The following TTC5 variants were observed in gnomAD, a reference collection of about 807,000 sequenced individuals.
TTC5 encodes tetratricopeptide repeat domain 5.
TTC5 carries 46 observed loss-of-function variants against 57.4 expected under a neutral mutation model. The observed-to-expected ratio is 0.80, with a 90% CI of 0.63 to 1.03. The LOEUF (loss-of-function observed/expected upper bound fraction) is 1.03, where lower values mean the gene tolerates loss of function less well. Among genes scored for constraint, TTC5 ranks in the 50% least tolerant of loss-of-function variants. The probability of loss-of-function intolerance (pLI) is 0.00; values close to 1 mark genes in which losing one functional copy is unlikely to be tolerated. For synonymous variants in TTC5, 190 were observed against 203.5 expected, an observed-to-expected ratio of 0.93 and a Z score of 0.57; for missense variants, 504 against 528.1, an observed-to-expected ratio of 0.95 and a Z score of 0.45.
At chr14:20,305,747 C>T (rs1460408088) in intron 1 of TTC5, 140 bp downstream of exon 1, 14 of 878,924 alleles carry the variant, frequency 1.6e-5, no homozygotes, top group African/African-American at 9.9e-5. Flanking sequence ...CGGCTGCACC[C>T]TCGAGGGTTG....
At chr14:20,301,333 C>T (rs1381789440) in intron 2 of TTC5, among the ~76,000 whole-genome samples, 3 of 152,230 alleles carry the variant, frequency 2.0e-5, no homozygotes, top group African/African-American at 7.2e-5. Flanking sequence ...GACAGTTCAA[C>T]CTGGATGAAA....
At chr14:20,295,199 A>G (rs1046662483) in intron 8 of TTC5, 113 bp downstream of exon 8, 2 of 930,934 alleles carry the variant, frequency 2.1e-6, no homozygotes, top group African/African-American at 3.3e-5. Flanking sequence ...GAAGGAAATC[A>G]GAAGTCACAA....
At chr14:20,302,953 C>G (rs989282539) in intron 1 of TTC5, among the ~76,000 whole-genome samples, 1 of 151,806 alleles carries the variant, frequency 6.6e-6, no homozygotes, top group Non-Finnish European at 1.5e-5. Flanking sequence ...AATCCTAGCA[C>G]TTTGGTAGTC....
chr14:20,305,799 C>T (rs1279188055), intron 1 of TTC5, 88 bp downstream of exon 1: 2 of 1,321,260 alleles, frequency 1.5e-6, no homozygotes, highest in South Asian at 1.2e-5. Context: ...GCGTGTGTGC[C>T]GAGGAATTCA....
intron 9 of TTC5, among the ~76,000 whole-genome samples, chr14:20,291,088 C>G (rs1881944344): frequency 6.6e-6 from 1 of 151,988 alleles, no homozygotes; most frequent in Non-Finnish European, 1.5e-5. Context: ...CAGACTTTCT[C>G]TATCACCCGG....
intron 6 of TTC5, 51 bp downstream of exon 6, chr14:20,296,339 T>G (rs543300301): frequency 1.5e-6 from 2 of 1,370,510 alleles, no homozygotes; most frequent in Non-Finnish European, 2.1e-6. Flanking sequence ...AGCTAAGACA[T>G]AGGTGTCTTA....
chr14:20,304,901 T>C (rs1164353060), intron 1 of TTC5, among the ~76,000 whole-genome samples: 2 of 152,242 alleles, frequency 1.3e-5, no homozygotes, highest in African/African-American at 4.8e-5. Context: ...AAAATTCAAA[T>C]AGATACATGT....
At position 20,300,748 on chromosome 14, in the gene TTC5, G is replaced by C. The variant is rs1452297495; in HGVS notation, c.255C>G (p.Ser85Arg). The C allele has an allele frequency of 6.2e-7, 1 of 1,614,016 alleles. No individual in the cohort carries two copies. Among genetic ancestry groups the C allele is most frequent in the African/African-American group, 1.3e-5 (1 of 74,890 alleles). ...GKALNVTPDY[S>R]PKAEELLSKA... ...TTGACAGAAGCTCCTCAGCCTTAGG[G>C]CTATAGTCAGGAGTCACATTTAGTG... is the stretch of plus-strand genomic sequence containing the variant. Residue 85 changes from serine (S) to arginine (R), a missense_variant, in exon 3 of 10, where the codon AGC becomes AGG. Ser to Arg is a moderately radical substitution (Grantham distance 110, BLOSUM62 -1). Coordinates refer to ENST00000258821, the MANE Select transcript of TTC5 (RefSeq NM_138376.3).
chr14:20,292,239 G>C lies in TTC5; in HGVS notation c.1059-112C>G, dbSNP rs115066153. On this transcript the variant is annotated intron_variant, in intron 8 of 9. Coordinates refer to ENST00000258821, the MANE Select transcript of TTC5 (RefSeq NM_138376.3). ...TAGCAAAATACTGGACTTAAAGTCA[G>C]TGACAGGTAATTAAAATAAAATATA... 8.1e-3 allele frequency: 4,870 copies of C among 603,572 alleles called. 179 individuals carry two copies. The highest frequency in any genetic ancestry group is 0.079 in the African/African-American group (4,126 of 52,406). The allele number at this position is 603,572 out of a possible 1,614,324, so 37.4% of individuals were successfully genotyped here.
rs373689241 is a variant in TTC5 at position 20,299,368 on chromosome 14, G to A, written c.477C>T (p.His159=). ...CCTGTCGGACACTGTCCATGACATG[G>A]TGAGAATGTTCATCTTCAGTGTCAG... The part of the protein sequence containing the change: ...LRTDTEDEHS[H]HVMDSVRQAK... The change falls in exon 4 of 10, where the codon CAC becomes CAT. Residue 159 remains histidine, a synonymous_variant. Coordinates refer to ENST00000258821, the MANE Select transcript of TTC5 (RefSeq NM_138376.3). 4.0e-5 allele frequency: 65 copies of A among 1,614,050 alleles called. No homozygotes were observed. Among genetic ancestry groups the A allele is most frequent in the Non-Finnish European group, 5.5e-5 (65 of 1,180,036 alleles).
chr14:20,295,647 T>G, intron 7 of TTC5, 61 bp downstream of exon 7: 2 of 1,556,746 alleles, frequency 1.3e-6, no homozygotes, highest in Non-Finnish European at 1.7e-6. Flanking sequence ...ATTCTTATTT[T>G]ATTGACCCAC....
chr14:20,294,269 T>C (rs1431246335), intron 8 of TTC5: 1 of 152,142 alleles, frequency 6.6e-6, no homozygotes, highest in Non-Finnish European at 1.5e-5. Context: ...GATTTAAAAG[T>C]TAGGCAGAAA....
intron 1 of TTC5, chr14:20,305,651 G>A: frequency 3.4e-6 from 2 of 582,518 alleles, no homozygotes; most frequent in East Asian, 5.7e-5. Context: ...ACAGTTAGGA[G>A]CAACAAATCT....
intron 3 of TTC5, chr14:20,300,367 C>G (rs1376033796): frequency 2.0e-5 from 10 of 488,034 alleles, no homozygotes; most frequent in Non-Finnish European, 3.6e-5. Context: ...ATCAGCTTAG[C>G]TGCTAGCTTT....
At chr14:20,297,038 G>A (rs1054582802) in intron 5 of TTC5, among the ~76,000 whole-genome samples, 8 of 152,062 alleles carry the variant, frequency 5.3e-5, no homozygotes, top group Non-Finnish European at 1.0e-4. Context: ...AATGAAATAG[G>A]TGAAATCATT....
At chr14:20,305,815 A>C (rs1321028679) in intron 1 of TTC5, 72 bp downstream of exon 1, 2 of 1,406,292 alleles carry the variant, frequency 1.4e-6, no homozygotes, top group South Asian at 1.1e-5. Context: ...ATTCACGGGC[A>C]GTACATAAAC....
chr14:20,291,392 C>G (rs114734644), intron 9 of TTC5, among the ~76,000 whole-genome samples: 1 of 152,144 alleles, frequency 6.6e-6, no homozygotes, highest in Non-Finnish European at 1.5e-5. Context: ...AGCAGTGAGC[C>G]AGATTTGGTC....
At chr14:20,302,962 TC>T (rs1490955950) in intron 1 of TTC5, among the ~76,000 whole-genome samples, 1 of 151,884 alleles carries the variant, frequency 6.6e-6, no homozygotes, top group Non-Finnish European at 1.5e-5. Flanking sequence ...ACTTTGGTAG[TC>T]CAAGGCAGAC....
chr14:20,300,155 ATTTTTTT>A lies in TTC5; in HGVS notation c.396+445_396+451del, dbSNP rs765208751. ...ACGTCTGGTCCATGTATATATATATATTTTTTTTTTTTTTTTTTTTTTTTGTAGAGAC... is the reference window on the plus strand; with the variant it reads ...ACGTCTGGTCCATGTATATATATATATTTTTTTTTTTTTTTTTGTAGAGAC... On this transcript the variant is annotated intron_variant, in intron 3 of 9. Transcript: ENST00000258821. Among the ~76,000 whole-genome samples, 13 of 89,310 alleles carry A rather than the reference ATTTTTTT, an allele frequency of 1.5e-4. 1 individual carries two copies. The highest frequency in any genetic ancestry group is 4.3e-4 in the South Asian group (1 of 2,316). The allele number at this position is 89,310 out of a possible 152,430, so 58.6% of individuals were successfully genotyped here. A position where few individuals can be genotyped will look rare whatever the true frequency, so the allele number is the denominator to read the frequency against.
Sources: allele counts gnomAD v4.1 joint callset (sites outside exome capture counted in the v4.1 genomes callset), GRCh38; gene constraint gnomAD v4.1.1; transcripts MANE v1.5; gene names NCBI Gene and HGNC (gene_info 2026-07-23, HGNC 2026-07-21).